LNPEP: variants seen among roughly 807,000 people sequenced by gnomAD.
LNPEP encodes the protein leucyl-cystinyl aminopeptidase.
In LNPEP, 64 loss-of-function variants were observed where a neutral mutation model predicts 120.6. The observed-to-expected ratio is 0.53, with a 90% CI of 0.43 to 0.65. LNPEP has a LOEUF of 0.65. Ranked by LOEUF, LNPEP falls within the 30% of genes least tolerant of loss-of-function variation. LNPEP has a pLI of 0.00. For missense variants in LNPEP, 1,057 were observed against 1,200.0 expected (o/e 0.88, Z 1.76); for synonymous variants, 435 against 425.4 (o/e 1.02, Z -0.28).
At chr5:96,942,443 C>T (rs1434824962) in intron 1 of LNPEP, 2 of 152,346 alleles carry the variant, frequency 1.3e-5, no homozygotes, top group Non-Finnish European at 2.9e-5. Context: ...CACCTGAGGT[C>T]AGGAGTTTGA....
intron 1 of LNPEP, chr5:96,937,320 A>G (rs1166339624): frequency 1.3e-5 from 2 of 152,188 alleles, no homozygotes; most frequent in Non-Finnish European, 2.9e-5. Flanking sequence ...TACTGATTAT[A>G]TTCTCCCTAT....
intron 4 of LNPEP, among the ~76,000 whole-genome samples, chr5:96,992,136 A>G (rs1790403854): frequency 1.3e-5 from 2 of 152,260 alleles, no homozygotes; most frequent in South Asian, 4.1e-4. Context: ...CGCATCATAT[A>G]TGTTTAATTT....
At chr5:97,009,019 G>A (rs1406077704) in intron 11 of LNPEP, among the ~76,000 whole-genome samples, 3 of 152,038 alleles carry the variant, frequency 2.0e-5, no homozygotes, top group Non-Finnish European at 2.9e-5. Flanking sequence ...TAACCCCATA[G>A]ACTAGCTCAT....
intron 1 of LNPEP, among the ~76,000 whole-genome samples, chr5:96,950,738 G>A (rs1432485109): frequency 6.6e-6 from 1 of 152,148 alleles, no homozygotes; most frequent in Admixed American, 6.5e-5. Context: ...ACATTTTGAG[G>A]AAAACAAACC....
intron 1 of LNPEP, among the ~76,000 whole-genome samples, chr5:96,944,491 A>G (rs1299770260): frequency 2.6e-5 from 4 of 151,872 alleles, no homozygotes; most frequent in Non-Finnish European, 4.4e-5. Flanking sequence ...GGGATAACTC[A>G]AAGCGGGGAC....
rs1790251784 is a variant in LNPEP at position 96,986,690 on chromosome 5, G to A, written c.1131+20G>A. ...ACCCTGGTATGTTGATGTGGTAATT[G>A]TCTGAAAGCCTGTGTCACAAGAGGC... On this transcript the variant is annotated intron_variant, in intron 4 of 17. Transcript: ENST00000231368. The A allele has an allele frequency of 7.4e-6, 12 of 1,611,822 alleles. No homozygotes were observed. The highest frequency in any genetic ancestry group is 2.2e-5 in the East Asian group (1 of 44,806).
chr5:97,001,771 C>T (rs1297323662), intron 8 of LNPEP, among the ~76,000 whole-genome samples: 2 of 152,122 alleles, frequency 1.3e-5, no homozygotes, highest in Non-Finnish European at 2.9e-5. Context: ...ATATCAAATG[C>T]TATCAATAGG....
chr5:97,017,887 C>A (rs558912403), intron 13 of LNPEP, among the ~76,000 whole-genome samples: 2 of 152,172 alleles, frequency 1.3e-5, no homozygotes, highest in Admixed American at 1.3e-4. Flanking sequence ...CCATTCCCCT[C>A]TCCTAACTTC....
intron 11 of LNPEP, chr5:97,010,858 C>T (rs1261628589): frequency 1.0e-6 from 1 of 985,256 alleles, no homozygotes; most frequent in African/African-American, 1.7e-5. Context: ...TTTTTCAATA[C>T]CTGTGGTTTT....
intron 11 of LNPEP, chr5:97,010,820 G>A: frequency 3.0e-6 from 3 of 985,400 alleles, no homozygotes; most frequent in Non-Finnish European, 3.6e-6. Flanking sequence ...GTAGGATGTA[G>A]TTACTTCCCT....
rs1464800086 is a variant in LNPEP, at chr5:96,979,370, A to G, written c.252A>G (p.Arg84=). 5 of 1,614,096 alleles carry G rather than the reference A, an allele frequency of 3.1e-6. No homozygotes were observed. In the Admixed American group the frequency reaches 8.3e-5, roughly 27 times the overall value. ...TGCTGGGCATGTCCTTCATGAATAG[A>G]AGCTCAGGCCTTCGGAACAGTGCAA... is the stretch of plus-strand genomic sequence containing the variant. ...AKLLGMSFMN[R]SSGLRNSATG... is the part of the protein sequence containing the mutation. The change falls in exon 2 of 18, where the codon AGA becomes AGG. Residue 84 remains arginine, a synonymous_variant. Coordinates refer to ENST00000231368, the MANE Select transcript of LNPEP (RefSeq NM_005575.3).
intron 6 of LNPEP, among the ~76,000 whole-genome samples, chr5:96,994,358 G>T (rs77286214): frequency 3.3e-5 from 5 of 152,062 alleles, no homozygotes; most frequent in African/African-American, 1.2e-4. Flanking sequence ...ATACACAGCT[G>T]CATCACCTAT....
intron 13 of LNPEP, among the ~76,000 whole-genome samples, chr5:97,019,667 T>C (rs1174856438): frequency 6.6e-6 from 1 of 152,208 alleles, no homozygotes; most frequent in Non-Finnish European, 1.5e-5. Flanking sequence ...GTGCCATTCT[T>C]TCCATTGCTG....
At chr5:96,996,593 A>G (rs1790521916) in intron 7 of LNPEP, 90 bp downstream of exon 7, 3 of 713,972 alleles carry the variant, frequency 4.2e-6, no homozygotes, top group Non-Finnish European at 7.3e-6. Context: ...CATCTGGAGT[A>G]ATGAAAATGT....
At chr5:96,953,134 C>T (rs965385793) in intron 1 of LNPEP, among the ~76,000 whole-genome samples, 10 of 142,238 alleles carry the variant, frequency 7.0e-5, no homozygotes, top group African/African-American at 2.6e-4. Flanking sequence ...TTGACTATAC[C>T]TGGAACAGAT....
At chr5:96,949,958 C>T (rs1789286523) in intron 1 of LNPEP, among the ~76,000 whole-genome samples, 2 of 152,220 alleles carry the variant, frequency 1.3e-5, no homozygotes, top group Non-Finnish European at 2.9e-5. Context: ...TCCTCCCCCT[C>T]ACCTTTCCTT....
chr5:96,944,902 G>A (rs1042632596), intron 1 of LNPEP, among the ~76,000 whole-genome samples: 4 of 151,558 alleles, frequency 2.6e-5, no homozygotes, highest in African/African-American at 7.3e-5. Context: ...GCAGTTGGTC[G>A]AAATAATTAA....
chr5:96,940,542 T>C (rs866728445), intron 1 of LNPEP, among the ~76,000 whole-genome samples: 1 of 151,776 alleles, frequency 6.6e-6, no homozygotes, highest in Non-Finnish European at 1.5e-5. Flanking sequence ...ATATGAAATA[T>C]GGAAACACAG....
intron 1 of LNPEP, among the ~76,000 whole-genome samples, chr5:96,944,112 G>T (rs965600085): frequency 2.6e-5 from 4 of 152,228 alleles, no homozygotes; most frequent in Admixed American, 2.6e-4. Flanking sequence ...TGACTCAGGT[G>T]TCATTCAGTG....
Sources: gnomAD v4.1 joint callset for allele counts (sites outside exome capture counted in the v4.1 genomes callset) on GRCh38, gnomAD v4.1.1 for gene constraint, MANE v1.5 for transcripts, NCBI Gene and HGNC (gene_info 2026-07-23, HGNC 2026-07-21) for gene names.